KCNH1: variants seen among roughly 807,000 people sequenced by gnomAD.
The protein encoded by KCNH1 is voltage-gated delayed rectifier potassium channel KCNH1.
Under a neutral mutation model 69.2 loss-of-function variants are expected in KCNH1, and 27 were observed. The ratio of observed to expected loss-of-function variants is 0.39; its 90% CI spans 0.29 to 0.54. KCNH1 has a LOEUF of 0.54. Among genes scored for constraint, KCNH1 ranks in the 20% least tolerant of loss-of-function variants. KCNH1 has a pLI of 0.68. For missense variants in KCNH1, 798 were observed against 1,261.6 expected (o/e 0.63, Z 5.57); for synonymous variants, 456 against 487.7 (o/e 0.93, Z 0.86).
chr1:210,684,529 C>G (rs1003841485), intron 10 of KCNH1, among the ~76,000 whole-genome samples: 33 of 152,294 alleles, frequency 2.2e-4, no homozygotes, highest in African/African-American at 7.7e-4. Context: ...TCTGATGAGC[C>G]TTTCAAATAT....
intron 6 of KCNH1, among the ~76,000 whole-genome samples, chr1:210,988,169 G>A (rs1017994764): frequency 3.9e-5 from 6 of 152,270 alleles, no homozygotes; most frequent in East Asian, 3.9e-4. Context: ...CAATTTTCCA[G>A]GTGCCGTCTG....
chr1:211,124,316 C>T (rs963709785), intron 1 of KCNH1, among the ~76,000 whole-genome samples: 1 of 152,104 alleles, frequency 6.6e-6, no homozygotes, highest in Non-Finnish European at 1.5e-5. Context: ...AGTGCACATC[C>T]CCTCACCAAA....
intron 1 of KCNH1, among the ~76,000 whole-genome samples, chr1:211,126,497 G>A (rs12065047): frequency 0.038 from 5,553 of 145,486 alleles, 320 homozygotes; most frequent in African/African-American, 0.13. Context: ...GTGACAGAGC[G>A]AGACTCTGTC....
Position 210,740,732 on chromosome 1 carries a change from T to TTA in KCNH1, c.2112+34615_2112+34616insTA, listed in dbSNP as rs749631249. ...TTTTTTTTTTTTTTTTTTTTTTTTT[T>TTA]ACTAAAAGAAACTTTGGAAGAATCA... On this transcript the variant is annotated intron_variant, in intron 10 of 10. Coordinates refer to ENST00000271751, the MANE Select transcript of KCNH1 (RefSeq NM_172362.3). Among the ~76,000 whole-genome samples the TTA allele has an allele frequency of 5.7e-3, 749 of 131,896 alleles. 45 individuals carry two copies. The highest frequency in any genetic ancestry group is 9.3e-3 in the South Asian group (38 of 4,070). The allele number at this position is 131,896 out of a possible 152,430, so 86.5% of individuals were successfully genotyped here.
chr1:211,035,643 T>C (rs1689883817), intron 5 of KCNH1, among the ~76,000 whole-genome samples: 1 of 152,200 alleles, frequency 6.6e-6, no homozygotes. Context: ...GATCAAGTTT[T>C]TACCATCTGA....
intron 7 of KCNH1, among the ~76,000 whole-genome samples, chr1:210,887,015 G>C (rs1249547281): frequency 6.6e-6 from 1 of 151,990 alleles, no homozygotes; most frequent in Non-Finnish European, 1.5e-5. Flanking sequence ...TAGCAAGACA[G>C]GCCAACATTC....
intron 7 of KCNH1, among the ~76,000 whole-genome samples, chr1:210,831,235 G>T (rs1014866874): frequency 4.6e-5 from 7 of 152,072 alleles, no homozygotes; most frequent in African/African-American, 9.7e-5. Context: ...AAGTTATCTT[G>T]GCTAACTCAA....
chr1:210,846,077 A>G (rs1685539734), intron 7 of KCNH1, among the ~76,000 whole-genome samples: 1 of 152,228 alleles, frequency 6.6e-6, no homozygotes, highest in African/African-American at 2.4e-5. Flanking sequence ...ATGAAATAAA[A>G]GAGGACACAA....
At chr1:210,775,873 C>T (rs1420784920) in intron 9 of KCNH1, among the ~76,000 whole-genome samples, 2 of 152,144 alleles carry the variant, frequency 1.3e-5, no homozygotes, top group Non-Finnish European at 2.9e-5. Flanking sequence ...TCCCCTATAA[C>T]ACTGATAATA....
chr1:211,031,461 T>C (rs1333216084), intron 5 of KCNH1, among the ~76,000 whole-genome samples: 1 of 152,170 alleles, frequency 6.6e-6, no homozygotes, highest in Non-Finnish European at 1.5e-5. Flanking sequence ...TTTAGACCAA[T>C]ATCCCTGATG....
intron 1 of KCNH1, among the ~76,000 whole-genome samples, chr1:211,121,233 G>T (rs1002123668): frequency 2.0e-5 from 3 of 152,068 alleles, no homozygotes; most frequent in Non-Finnish European, 4.4e-5. Flanking sequence ...ACAATCCTAA[G>T]CAAAAAGAAC....
At chr1:211,045,049 T>TATATATATAG (rs1454699097) in intron 5 of KCNH1, among the ~76,000 whole-genome samples, 1 of 103,840 alleles carries the variant, frequency 9.6e-6, no homozygotes, top group African/African-American at 3.5e-5. Context: ...GGGATATATA[T>TATATATATAG]ATATATATAT....
At chr1:210,951,283 C>G (rs184843686) in intron 6 of KCNH1, among the ~76,000 whole-genome samples, 338 of 152,158 alleles carry the variant, frequency 2.2e-3, no homozygotes, top group African/African-American at 7.8e-3. Flanking sequence ...CTGCGTGCAT[C>G]CAGGAAAACT....
chr1:210,905,659 A>T (rs1687086918), intron 7 of KCNH1, among the ~76,000 whole-genome samples: 1 of 152,010 alleles, frequency 6.6e-6, no homozygotes, highest in South Asian at 2.1e-4. Flanking sequence ...TCAGGGGAAA[A>T]AAAAAATCGT....
intron 6 of KCNH1, among the ~76,000 whole-genome samples, chr1:210,998,175 T>G (rs1377824331): frequency 2.6e-5 from 4 of 152,182 alleles, no homozygotes; most frequent in African/African-American, 9.7e-5. Flanking sequence ...TAACTTTAAA[T>G]GTAAATGGGC....
intron 6 of KCNH1, among the ~76,000 whole-genome samples, chr1:210,945,786 C>T (rs964388510): frequency 6.6e-6 from 1 of 152,196 alleles, no homozygotes; most frequent in Non-Finnish European, 1.5e-5. Context: ...CATTGGCACC[C>T]AATTGTCCTC....
intron 7 of KCNH1, chr1:210,860,865 C>T: frequency 2.2e-6 from 2 of 924,116 alleles, no homozygotes; most frequent in South Asian, 2.6e-5. Context: ...CCCTTGCTCT[C>T]ATGTAGCCTA....
chr1:210,810,404 T>C (rs1433995002), intron 7 of KCNH1, among the ~76,000 whole-genome samples: 1 of 152,168 alleles, frequency 6.6e-6, no homozygotes, highest in South Asian at 2.1e-4. Flanking sequence ...TGCTAAACCC[T>C]TTCAATCTGG....
chr1:211,084,580 C>T lies in KCNH1; in HGVS notation c.440-1682G>A, dbSNP rs76189307. Among the ~76,000 whole-genome samples the T allele has an allele frequency of 8.7e-3, 1,327 of 152,296 alleles. 27 individuals carry two copies. Among genetic ancestry groups the T allele is most frequent in the African/African-American group, 0.031 (1,271 of 41,550 alleles). On this transcript the variant is annotated intron_variant, in intron 4 of 10. Transcript: ENST00000271751. ...TCTGGCCTAGCCCTGATTCTCTTTGCAAGAGTGGGCTCTTAAAAGAGTGGG... is the reference window on the plus strand; with the variant it reads ...TCTGGCCTAGCCCTGATTCTCTTTGTAAGAGTGGGCTCTTAAAAGAGTGGG...
Sources: gnomAD v4.1 joint callset for allele counts (sites outside exome capture counted in the v4.1 genomes callset) on GRCh38, gnomAD v4.1.1 for gene constraint, MANE v1.5 for transcripts, NCBI Gene and HGNC (gene_info 2026-07-23, HGNC 2026-07-21) for gene names.